The following ZNF385B variants were observed in gnomAD, a reference collection of about 807,000 sequenced individuals.
The protein encoded by ZNF385B is zinc finger protein 533.
A neutral mutation model predicts 39.2 loss-of-function variants in ZNF385B; 23 were observed. The ratio of observed to expected loss-of-function variants is 0.59; its 90% confidence interval spans 0.42 to 0.83. The LOEUF (loss-of-function observed/expected upper bound fraction) is 0.83. Ranked by LOEUF, ZNF385B falls within the 40% of genes least tolerant of loss-of-function variation. The pLI is 0.00. For missense variants in ZNF385B, 552 were observed against 598.9 expected (o/e 0.92, Z 0.82); for synonymous variants, 205 against 222.6 (o/e 0.92, Z 0.70).
In ZNF385B at chr2:179,626,894, T is replaced by C. The variant is rs191664761; in HGVS notation, c.299-81925A>G. ...ATTATGAATGGAAACACTTCCAATG[T>C]TCCAATATAACCCTTAGGCTTATTC... On this transcript the variant is annotated intron_variant, in intron 3 of 9. Transcript: ENST00000410066. Among the ~76,000 whole-genome samples, 12 of 152,338 alleles carry C rather than the reference T, an allele frequency of 7.9e-5. No homozygotes were observed. The East Asian group carries it at 1.9e-3, about 24-fold the overall frequency.
At chr2:179,842,533 G>T (rs1297620544) in intron 1 of ZNF385B, among the ~76,000 whole-genome samples, 1 of 152,126 alleles carries the variant, frequency 6.6e-6, no homozygotes, top group Non-Finnish European at 1.5e-5. Flanking sequence ...TATGGGGAGG[G>T]CATGGCATGA....
intron 3 of ZNF385B, among the ~76,000 whole-genome samples, chr2:179,641,656 T>A (rs902855295): frequency 6.6e-6 from 1 of 151,742 alleles, no homozygotes; most frequent in African/African-American, 2.4e-5. Context: ...ACATTCAGAA[T>A]CTACTTATGA....
intron 3 of ZNF385B, among the ~76,000 whole-genome samples, chr2:179,614,069 A>T (rs1689527455): frequency 6.6e-6 from 1 of 151,156 alleles, no homozygotes; most frequent in Admixed American, 6.6e-5. Flanking sequence ...TCTTTCTGTG[A>T]CACACGGCTG....
intron 5 of ZNF385B, among the ~76,000 whole-genome samples, chr2:179,487,319 T>C (rs771785591): frequency 6.6e-6 from 1 of 152,166 alleles, no homozygotes; most frequent in Non-Finnish European, 1.5e-5. Flanking sequence ...TTGGGAAAAA[T>C]GGAGTGGAAG....
At chr2:179,690,941 A>G (rs1249500264) in intron 3 of ZNF385B, among the ~76,000 whole-genome samples, 1 of 152,198 alleles carries the variant, frequency 6.6e-6, no homozygotes, top group Non-Finnish European at 1.5e-5. Context: ...AGTTTCCTGA[A>G]CACTGATTTA....
chr2:179,469,586 T>C (rs2052505442), intron 6 of ZNF385B, among the ~76,000 whole-genome samples: 1 of 152,166 alleles, frequency 6.6e-6, no homozygotes, highest in Non-Finnish European at 1.5e-5. Flanking sequence ...TTGGCCGACT[T>C]TGGGTAAGTG....
chr2:179,723,779 T>C (rs1559131873), intron 3 of ZNF385B, among the ~76,000 whole-genome samples: 1 of 152,150 alleles, frequency 6.6e-6, no homozygotes, highest in Non-Finnish European at 1.5e-5. Flanking sequence ...CAAAGCTACG[T>C]AAGTTTTTAT....
chr2:179,523,960 A>T (rs896838410), intron 4 of ZNF385B, among the ~76,000 whole-genome samples: 16 of 151,586 alleles, frequency 1.1e-4, no homozygotes, highest in Admixed American at 2.0e-4. Flanking sequence ...GTTTTTTTTT[A>T]AATTTTTATT....
At chr2:179,581,459 T>C (rs1686509350) in intron 3 of ZNF385B, among the ~76,000 whole-genome samples, 1 of 152,200 alleles carries the variant, frequency 6.6e-6, no homozygotes, top group Non-Finnish European at 1.5e-5. Flanking sequence ...GCAAACATAG[T>C]TTCCTAGGAA....
chr2:179,805,002 C>T (rs1246714271), intron 1 of ZNF385B, among the ~76,000 whole-genome samples: 2 of 152,196 alleles, frequency 1.3e-5, no homozygotes, highest in African/African-American at 2.4e-5. Context: ...CTCTTCTCAT[C>T]AAGAGGTGGG....
At chr2:179,860,168 G>A (rs1684924783) in intron 1 of ZNF385B, among the ~76,000 whole-genome samples, 1 of 152,126 alleles carries the variant, frequency 6.6e-6, no homozygotes, top group South Asian at 2.1e-4. Flanking sequence ...AAAACCAAAA[G>A]GAAATGCAAA....
chr2:179,766,565 C>T (rs1223785344), intron 3 of ZNF385B, among the ~76,000 whole-genome samples: 2 of 152,090 alleles, frequency 1.3e-5, no homozygotes, highest in East Asian at 1.9e-4. Context: ...TTGTAGATGG[C>T]TGTCTTCTCC....
intron 1 of ZNF385B, among the ~76,000 whole-genome samples, chr2:179,844,457 G>T (rs1453863652): frequency 6.6e-6 from 1 of 152,084 alleles, no homozygotes; most frequent in Non-Finnish European, 1.5e-5. Context: ...TGTCTGCCTT[G>T]CTATTAAATG....
intron 3 of ZNF385B, among the ~76,000 whole-genome samples, chr2:179,652,394 A>G (rs937913137): frequency 4.6e-5 from 7 of 152,172 alleles, no homozygotes; most frequent in African/African-American, 1.7e-4. Flanking sequence ...TTCTGTGTGT[A>G]TGTCAAGGAG....
chr2:179,787,313 A>C (rs75673271), intron 1 of ZNF385B, among the ~76,000 whole-genome samples: 8,728 of 151,894 alleles, frequency 0.057, 524 homozygotes, highest in Admixed American at 0.18. Context: ...TCCCTGCTCT[A>C]TGTTATAAAA....
intron 6 of ZNF385B, among the ~76,000 whole-genome samples, chr2:179,475,364 G>C (rs1245031425): frequency 1.3e-5 from 2 of 150,474 alleles, no homozygotes; most frequent in African/African-American, 4.9e-5. Context: ...CGATTCTCCT[G>C]CCTCAGCCTC....
chr2:179,855,218 GAAAAGA>G (rs1684494866), intron 1 of ZNF385B, among the ~76,000 whole-genome samples: 1 of 152,126 alleles, frequency 6.6e-6, no homozygotes, highest in Non-Finnish European at 1.5e-5. Flanking sequence ...CAGCCAAAAA[GAAAAGA>G]AAAAGTTGAT....
At chr2:179,491,766 A>G (rs1393157916) in intron 5 of ZNF385B, among the ~76,000 whole-genome samples, 2 of 152,128 alleles carry the variant, frequency 1.3e-5, no homozygotes, top group African/African-American at 4.8e-5. Context: ...AGGGGCCATC[A>G]TAGCTTGCTG....
At chr2:179,612,029 T>A (rs1296367007) in intron 3 of ZNF385B, among the ~76,000 whole-genome samples, 1 of 152,188 alleles carries the variant, frequency 6.6e-6, no homozygotes, top group East Asian at 1.9e-4. Flanking sequence ...AATACTGCAG[T>A]ATTTCAATTG....
Sources: gnomAD v4.1 joint callset for allele counts (sites outside exome capture counted in the v4.1 genomes callset) on GRCh38, gnomAD v4.1.1 for gene constraint, MANE v1.5 for transcripts, NCBI Gene and HGNC (gene_info 2026-07-23, HGNC 2026-07-21) for gene names.